RHBDD1: variants seen among roughly 807,000 people sequenced by gnomAD.
RHBDD1 encodes rhomboid-related protein 4.
Under a neutral mutation model 36.3 loss-of-function variants are expected in RHBDD1, and 38 were observed. That is an observed-to-expected ratio of 1.05 (90% CI 0.81 to 1.37). The LOEUF (loss-of-function observed/expected upper bound fraction) is 1.37. Ranked by LOEUF, RHBDD1 falls within the 40% of genes most tolerant of loss-of-function variation. The probability of loss-of-function intolerance (pLI) is 0.00; values close to 1 mark genes in which losing one functional copy is unlikely to be tolerated. For synonymous variants in RHBDD1, 151 were observed against 136.5 expected (o/e 1.11, Z -0.74); for missense variants, 393 against 377.6 (o/e 1.04, Z -0.34).
intron 8 of RHBDD1, among the ~76,000 whole-genome samples, chr2:226,924,357 T>A (rs1949530790): frequency 6.6e-6 from 1 of 152,160 alleles, no homozygotes; most frequent in South Asian, 2.1e-4. Flanking sequence ...CGGTACCCTA[T>A]CCTACTGTGG....
chr2:226,939,886 C>T (rs190365439), intron 8 of RHBDD1, among the ~76,000 whole-genome samples: 1 of 152,212 alleles, frequency 6.6e-6, no homozygotes, highest in Admixed American at 6.5e-5. Flanking sequence ...GCCACAGTAA[C>T]CAAAACAGTA....
chr2:226,877,744 A>C (rs1281913838), intron 5 of RHBDD1, among the ~76,000 whole-genome samples: 6 of 152,066 alleles, frequency 3.9e-5, no homozygotes, highest in Non-Finnish European at 7.4e-5. Flanking sequence ...TTCACATTTC[A>C]TCACACGGTG....
chr2:226,837,563 G>C lies in RHBDD1; in HGVS notation c.-391-510G>C, dbSNP rs533229589. The C allele has an allele frequency of 2.0e-5, 3 of 152,384 alleles. No homozygotes were observed. In the South Asian group the frequency reaches 6.2e-4, roughly 32 times the overall value. The allele number at this position is 152,384 out of a possible 1,614,324, so 9.4% of individuals were successfully genotyped here. ...ATCTCTTCAGCTTTGTTTGGAGACA[G>C]TCTCTTTCTGCCACCCAGGCTGGAG... is the stretch of plus-strand genomic sequence containing the variant. On this transcript the variant is annotated intron_variant, in intron 1 of 8. Coordinates refer to ENST00000392062, the MANE Select transcript of RHBDD1 (RefSeq NM_001167608.3).
intron 8 of RHBDD1, among the ~76,000 whole-genome samples, chr2:226,991,153 G>C (rs1425371329): frequency 6.6e-6 from 1 of 152,192 alleles, no homozygotes; most frequent in Admixed American, 6.5e-5. Context: ...ATTGAGCTCT[G>C]TATTTTAAGA....
chr2:226,926,508 G>A (rs779513213), intron 8 of RHBDD1, among the ~76,000 whole-genome samples: 7 of 152,118 alleles, frequency 4.6e-5, no homozygotes, highest in Non-Finnish European at 7.4e-5. Context: ...TCTTTGTGGT[G>A]TATTTAAATA....
intron 4 of RHBDD1, among the ~76,000 whole-genome samples, chr2:226,865,996 A>T (rs1012120071): frequency 6.6e-5 from 10 of 152,140 alleles, no homozygotes; most frequent in Non-Finnish European, 1.3e-4. Flanking sequence ...CATGATAATC[A>T]CTCTGCATAA....
chr2:226,845,843 T>G (rs1455776475), intron 3 of RHBDD1, among the ~76,000 whole-genome samples: 1 of 152,256 alleles, frequency 6.6e-6, no homozygotes, highest in Non-Finnish European at 1.5e-5. Context: ...AACAGGAAGC[T>G]GATCTGTGTA....
At chr2:226,981,028 C>G (rs1229204005) in intron 8 of RHBDD1, among the ~76,000 whole-genome samples, 1 of 152,162 alleles carries the variant, frequency 6.6e-6, no homozygotes, top group East Asian at 1.9e-4. Context: ...TAAAACCAGT[C>G]TGAGACACTC....
intron 3 of RHBDD1, among the ~76,000 whole-genome samples, chr2:226,850,620 G>T (rs1005211685): frequency 6.6e-6 from 1 of 152,020 alleles, no homozygotes; most frequent in Admixed American, 6.5e-5. Flanking sequence ...ATTCTAGGTG[G>T]TGTCTATAGG....
chr2:226,877,513 G>A (rs1037014609), intron 5 of RHBDD1, among the ~76,000 whole-genome samples: 1 of 147,376 alleles, frequency 6.8e-6, no homozygotes, highest in African/African-American at 2.5e-5. Flanking sequence ...TTCCTTAAAG[G>A]CTTGCTTTAT....
rs367589246 is a variant in RHBDD1 at position 226,910,889 on chromosome 2, A to G, written c.712+2011A>G. 3.9e-5 allele frequency among the ~76,000 whole-genome samples: 6 copies of G among 152,226 alleles called. No homozygotes were observed. The South Asian group carries it at 8.3e-4, about 21-fold the overall frequency. On this transcript the variant is annotated intron_variant, in intron 7 of 8. Coordinates refer to ENST00000392062, the MANE Select transcript of RHBDD1 (RefSeq NM_001167608.3). ...AGATTTTGGGTCCTGTTGATGATCT[A>G]TGATTGACGATATAGAACGTTTAGC...
Position 226,973,616 on chromosome 2 carries a change from T to C in RHBDD1, c.857-21815T>C, listed in dbSNP as rs575433411. 6.6e-5 allele frequency among the ~76,000 whole-genome samples: 10 copies of C among 152,334 alleles called. 1 individual carries two copies. In the South Asian group the frequency reaches 2.1e-3, roughly 32 times the overall value. On this transcript the variant is annotated intron_variant, in intron 8 of 8. Transcript: ENST00000392062. ...CTTAGCAAGGACCTCTCTAACATTT[T>C]ATGTTTGAATTGTTTTCTTCCAGAG...
chr2:226,848,952 G>C (rs558688379), intron 3 of RHBDD1, among the ~76,000 whole-genome samples: 1 of 152,240 alleles, frequency 6.6e-6, no homozygotes, highest in East Asian at 1.9e-4. Flanking sequence ...TGTCACTTTG[G>C]CTCGTGGTTT....
intron 8 of RHBDD1, among the ~76,000 whole-genome samples, chr2:226,948,311 G>A (rs1204389421): frequency 2.0e-4 from 29 of 148,172 alleles, no homozygotes; most frequent in African/African-American, 5.0e-4. Flanking sequence ...GTAAACTATC[G>A]CAAGATCAAA....
rs180919456 is a variant in RHBDD1, at chr2:226,876,230, G to T, written c.566+8912G>T. 2.4e-4 allele frequency among the ~76,000 whole-genome samples: 37 copies of T among 152,318 alleles called. 1 individual carries two copies. The highest frequency in any genetic ancestry group is 2.1e-3 in the Admixed American group (32 of 15,304). On this transcript the variant is annotated intron_variant, in intron 5 of 8. Coordinates refer to ENST00000392062, the MANE Select transcript of RHBDD1 (RefSeq NM_001167608.3). ...ATGAATATGTGGTTTAGGACAGGAG[G>T]CCAGGAATAGTATAAAGATTTGCAG...
At chr2:226,902,551 C>T (rs893505614) in intron 5 of RHBDD1, among the ~76,000 whole-genome samples, 4 of 152,174 alleles carry the variant, frequency 2.6e-5, no homozygotes, top group Non-Finnish European at 5.9e-5. Context: ...AGTTAATTTA[C>T]CTCTTAAAAT....
At chr2:226,863,415 G>A (rs576886047) in intron 3 of RHBDD1, among the ~76,000 whole-genome samples, 43 of 152,332 alleles carry the variant, frequency 2.8e-4, no homozygotes, top group African/African-American at 1.0e-3. Flanking sequence ...CAGCACTCGC[G>A]AAAGGCAATA....
At chr2:226,845,422 T>C (rs1283667847) in intron 3 of RHBDD1, among the ~76,000 whole-genome samples, 8 of 152,236 alleles carry the variant, frequency 5.3e-5, no homozygotes, top group Admixed American at 5.2e-4. Context: ...TTAACTTTCC[T>C]AAGAGCACGT....
the RHBDD1 span, among the ~76,000 whole-genome samples, chr2:226,822,516 T>G: frequency 1.3e-5 from 2 of 151,344 alleles, no homozygotes; most frequent in Non-Finnish European, 2.9e-5. Context: ...GCACCTGTAA[T>G]CCTAGCTATA....
Sources: allele counts gnomAD v4.1 joint callset (sites outside exome capture counted in the v4.1 genomes callset), GRCh38; gene constraint gnomAD v4.1.1; transcripts MANE v1.5; gene names NCBI Gene and HGNC (gene_info 2026-07-23, HGNC 2026-07-21).